RBMS3: variants seen among roughly 807,000 people sequenced by gnomAD.
RBMS3 encodes the protein RNA binding motif single stranded interacting protein 3.
RBMS3 carries 27 observed loss-of-function variants against 66.8 expected under a neutral mutation model. The observed-to-expected ratio is 0.40, with a 90% CI of 0.30 to 0.56. The LOEUF (loss-of-function observed/expected upper bound fraction) is 0.56. RBMS3 is among the 20% of genes least tolerant of loss of function. The probability of loss-of-function intolerance (pLI) is 0.40; values close to 1 mark genes in which losing one functional copy is unlikely to be tolerated. For synonymous variants in RBMS3, 188 were observed against 183.0 expected (o/e 1.03, Z -0.22); for missense variants, 513 against 549.5 (o/e 0.93, Z 0.66).
chr3:29,423,783 T>A (rs1180025200), intron 1 of RBMS3, among the ~76,000 whole-genome samples: 1 of 152,198 alleles, frequency 6.6e-6, no homozygotes, highest in Non-Finnish European at 1.5e-5. Flanking sequence ...TAATTACCTG[T>A]GAATTTAAAT....
At chr3:29,315,300 C>T (rs2034604607) in intron 1 of RBMS3, among the ~76,000 whole-genome samples, 1 of 151,162 alleles carries the variant, frequency 6.6e-6, no homozygotes, top group Non-Finnish European at 1.5e-5. Flanking sequence ...TGAAAAAAAC[C>T]CAAAAATATG....
chr3:29,405,044 T>A (rs2039958466), intron 1 of RBMS3, among the ~76,000 whole-genome samples: 1 of 152,112 alleles, frequency 6.6e-6, no homozygotes, highest in South Asian at 2.1e-4. Context: ...CATGGATAAA[T>A]GATTGTGCTT....
At chr3:29,584,085 G>T (rs532317294) in intron 3 of RBMS3, among the ~76,000 whole-genome samples, 2 of 152,186 alleles carry the variant, frequency 1.3e-5, no homozygotes, top group Admixed American at 6.5e-5. Flanking sequence ...AACTACTCCA[G>T]CAGACTTCAA....
rs140655918 is a variant in RBMS3 at position 29,865,831 on chromosome 3, G to A, written c.638-3027G>A. On this transcript the variant is annotated intron_variant, in intron 6 of 14. Coordinates refer to ENST00000383767, the MANE Select transcript of RBMS3 (RefSeq NM_001003793.3). Reference sequence around the variant, plus strand: ...ATATGGACACAGTGCAAACAGGTACGACAAGATATTTTCTTCCTCAAGGAT... The same window carrying A: ...ATATGGACACAGTGCAAACAGGTACAACAAGATATTTTCTTCCTCAAGGAT... 2.5e-3 allele frequency among the ~76,000 whole-genome samples: 386 copies of A among 152,126 alleles called. 2 individuals are homozygous for A. Among genetic ancestry groups the A allele is most frequent in the Middle Eastern group, 0.017 (5 of 294 alleles).
intron 2 of RBMS3, among the ~76,000 whole-genome samples, chr3:29,485,103 T>C (rs75309855): frequency 0.097 from 14,793 of 152,204 alleles, 1,008 homozygotes; most frequent in African/African-American, 0.19. Flanking sequence ...TCTTCAGCTT[T>C]GAAAATAAAA....
chr3:29,859,320 G>T (rs544638578), intron 6 of RBMS3, among the ~76,000 whole-genome samples: 2 of 152,214 alleles, frequency 1.3e-5, no homozygotes, highest in South Asian at 4.2e-4. Flanking sequence ...ATATTTTTGT[G>T]AGTACTCAAT....
intron 7 of RBMS3, among the ~76,000 whole-genome samples, chr3:29,876,228 C>G (rs1393305769): frequency 6.6e-6 from 1 of 152,086 alleles, no homozygotes; most frequent in Non-Finnish European, 1.5e-5. Context: ...TTGGTTTGAG[C>G]CCACATCATC....
At chr3:29,993,311 T>C (rs1699002901) in intron 14 of RBMS3, among the ~76,000 whole-genome samples, 1 of 149,408 alleles carries the variant, frequency 6.7e-6, no homozygotes, top group Non-Finnish European at 1.5e-5. Context: ...AAATTTTTTT[T>C]CAGCCTGGTC....
intron 1 of RBMS3, among the ~76,000 whole-genome samples, chr3:29,398,648 T>C (rs1166481604): frequency 1.3e-5 from 2 of 152,160 alleles, no homozygotes; most frequent in African/African-American, 4.8e-5. Context: ...ACCATAACTG[T>C]TGGTGACCAG....
intron 6 of RBMS3, among the ~76,000 whole-genome samples, chr3:29,768,800 G>A (rs1470487310): frequency 1.3e-5 from 2 of 151,804 alleles, no homozygotes; most frequent in African/African-American, 4.8e-5. Context: ...TATCTACAGT[G>A]GTCACAAGCT....
chr3:29,661,548 A>G (rs2050550293), intron 4 of RBMS3, among the ~76,000 whole-genome samples: 1 of 151,620 alleles, frequency 6.6e-6, no homozygotes, highest in Non-Finnish European at 1.5e-5. Context: ...TGTTTCTGTT[A>G]ATATCATTTA....
At chr3:29,731,234 C>G (rs1009835819) in intron 4 of RBMS3, among the ~76,000 whole-genome samples, 2 of 152,202 alleles carry the variant, frequency 1.3e-5, no homozygotes, top group Non-Finnish European at 2.9e-5. Context: ...GACATGAACT[C>G]CAGTTGCTGA....
chr3:29,488,836 G>A (rs116588245), intron 3 of RBMS3, among the ~76,000 whole-genome samples: 1 of 152,192 alleles, frequency 6.6e-6, no homozygotes, highest in Non-Finnish European at 1.5e-5. Flanking sequence ...GGAACTCTGG[G>A]GAAAACTTCC....
At chr3:29,570,838 A>C (rs1020170470) in intron 3 of RBMS3, among the ~76,000 whole-genome samples, 1 of 152,144 alleles carries the variant, frequency 6.6e-6, no homozygotes, top group Non-Finnish European at 1.5e-5. Context: ...TTGGGCATAT[A>C]CTCAGCAATG....
At chr3:29,885,098 C>T (rs1183665795) in intron 8 of RBMS3, among the ~76,000 whole-genome samples, 2 of 151,808 alleles carry the variant, frequency 1.3e-5, no homozygotes, top group Non-Finnish European at 2.9e-5. Flanking sequence ...TTCATTCAGG[C>T]AGTCATATAG....
intron 12 of RBMS3, 136 bp downstream of exon 12, chr3:29,944,390 G>T (rs911897579): frequency 6.1e-6 from 4 of 655,104 alleles, no homozygotes; most frequent in African/African-American, 1.8e-5. Context: ...TTTGCAAGGG[G>T]GCATGTGTAG....
intron 3 of RBMS3, among the ~76,000 whole-genome samples, chr3:29,541,651 A>G (rs750623244): frequency 2.6e-5 from 4 of 151,942 alleles, no homozygotes; most frequent in Non-Finnish European, 5.9e-5. Context: ...TCAACTGACA[A>G]CCTAAGGGGT....
intron 6 of RBMS3, among the ~76,000 whole-genome samples, chr3:29,859,994 C>A (rs1334717085): frequency 6.6e-6 from 1 of 152,188 alleles, no homozygotes; most frequent in Non-Finnish European, 1.5e-5. Context: ...AAACCTTTTG[C>A]AAACATTTCA....
chr3:29,482,292 A>G (rs2043154111), intron 2 of RBMS3, among the ~76,000 whole-genome samples: 1 of 152,212 alleles, frequency 6.6e-6, no homozygotes, highest in Non-Finnish European at 1.5e-5. Flanking sequence ...CCCAAGAGTT[A>G]CTAATTCTGA....
Sources: allele counts gnomAD v4.1 joint callset (sites outside exome capture counted in the v4.1 genomes callset), GRCh38; gene constraint gnomAD v4.1.1; transcripts MANE v1.5; gene names NCBI Gene and HGNC (gene_info 2026-07-23, HGNC 2026-07-21).